The following CDH13 variants were observed in gnomAD, a reference collection of about 807,000 sequenced individuals.
CDH13 encodes the protein cadherin-13.
A neutral mutation model predicts 63.8 loss-of-function variants in CDH13; 24 were observed. That is an observed-to-expected ratio of 0.38 (90% CI 0.27 to 0.53). The LOEUF (loss-of-function observed/expected upper bound fraction) is 0.53, where lower values mean the gene tolerates loss of function less well. Among genes scored for constraint, CDH13 ranks in the 20% least tolerant of loss-of-function variants. The probability of loss-of-function intolerance (pLI) is 0.85; values close to 1 mark genes in which losing one functional copy is unlikely to be tolerated. For synonymous variants in CDH13, 503 were observed against 355.3 expected (o/e 1.42, Z -4.67); for missense variants, 1,049 against 903.1 (o/e 1.16, Z -2.07).
chr16:83,014,974 T>G (rs1914614345), intron 2 of CDH13, among the ~76,000 whole-genome samples: 1 of 149,860 alleles, frequency 6.7e-6, no homozygotes, highest in Non-Finnish European at 1.5e-5. Flanking sequence ...AGGGAACTGC[T>G]TTAATGAGAG....
chr16:83,630,200 T>A (rs1410905199), intron 8 of CDH13, among the ~76,000 whole-genome samples: 1 of 152,196 alleles, frequency 6.6e-6, no homozygotes, highest in African/African-American at 2.4e-5. Flanking sequence ...ATCTGGGTTA[T>A]TTTTCAGTAT....
chr16:82,730,045 C>A (rs1323435754), intron 1 of CDH13, among the ~76,000 whole-genome samples: 2 of 152,158 alleles, frequency 1.3e-5, no homozygotes, highest in Non-Finnish European at 2.9e-5. Context: ...TAGGTGTTGG[C>A]TTAAGGGAAT....
intron 4 of CDH13, among the ~76,000 whole-genome samples, chr16:83,132,959 C>A (rs1446150549): frequency 1.3e-5 from 2 of 152,172 alleles, no homozygotes; most frequent in Non-Finnish European, 1.5e-5. Flanking sequence ...GGGATACACC[C>A]TCTGTATCCT....
intron 7 of CDH13, among the ~76,000 whole-genome samples, chr16:83,504,604 G>T (rs1014807919): frequency 5.9e-5 from 9 of 152,160 alleles, no homozygotes; most frequent in Admixed American, 1.3e-4. Flanking sequence ...CCCACTCCGG[G>T]TGCTGTGCCC....
rs548899618 is a variant in CDH13 at position 83,020,569 on chromosome 16, A to C, written c.158-11441A>C. Among the ~76,000 whole-genome samples, 7 of 152,366 alleles carry C rather than the reference A, an allele frequency of 4.6e-5. No homozygotes were observed. The South Asian group carries it at 1.2e-3, about 27-fold the overall frequency. ...ATAACAGTTTGCTATTAGGAAACAA[A>C]ATAACAGTGCTTGAAAATACCTAAG... On this transcript the variant is annotated intron_variant, in intron 2 of 13. Coordinates refer to ENST00000567109, the MANE Select transcript of CDH13 (RefSeq NM_001257.5).
At chr16:83,505,613 G>A (rs1265968793) in intron 7 of CDH13, among the ~76,000 whole-genome samples, 2 of 146,212 alleles carry the variant, frequency 1.4e-5, no homozygotes, top group Non-Finnish European at 3.0e-5. Context: ...GTGGAATCTC[G>A]GCTCGCCACA....
At chr16:83,677,883 G>A (rs955103335) in intron 9 of CDH13, among the ~76,000 whole-genome samples, 2 of 152,082 alleles carry the variant, frequency 1.3e-5, no homozygotes, top group African/African-American at 4.8e-5. Context: ...GGCTCACTAA[G>A]GTTCAAGTCA....
chr16:82,866,548 C>G (rs565641610), intron 2 of CDH13, among the ~76,000 whole-genome samples: 11 of 151,954 alleles, frequency 7.2e-5, no homozygotes, highest in Admixed American at 1.3e-4. Context: ...GCCACCATGC[C>G]TGGCTAATTT....
chr16:83,444,875 T>C (rs2072625063), intron 6 of CDH13, among the ~76,000 whole-genome samples: 1 of 48,728 alleles, frequency 2.1e-5, no homozygotes, highest in African/African-American at 5.9e-5. Flanking sequence ...AGCGCTTTCC[T>C]CTGATGAAGG....
intron 1 of CDH13, among the ~76,000 whole-genome samples, chr16:82,725,668 G>A (rs770403116): frequency 6.6e-6 from 1 of 152,094 alleles, no homozygotes; most frequent in Admixed American, 6.6e-5. Flanking sequence ...TCTATACATT[G>A]TACCTTTATT....
At chr16:82,795,866 C>G (rs57626646) in intron 1 of CDH13, among the ~76,000 whole-genome samples, 2,338 of 152,088 alleles carry the variant, frequency 0.015, 35 homozygotes, top group Middle Eastern at 0.034. Flanking sequence ...ATCTCCATCT[C>G]TCATAGGCAT....
chr16:83,121,971 C>CACAT (rs935887330), intron 3 of CDH13, among the ~76,000 whole-genome samples: 3 of 150,288 alleles, frequency 2.0e-5, no homozygotes, highest in Non-Finnish European at 4.4e-5. Flanking sequence ...GTCACACACA[C>CACAT]ACACACACAC....
intron 2 of CDH13, among the ~76,000 whole-genome samples, chr16:82,977,874 A>G (rs1008626530): frequency 1.3e-4 from 20 of 152,222 alleles, no homozygotes; most frequent in African/African-American, 4.3e-4. Context: ...AAGGCTCAGA[A>G]GACAGGAAGA....
chr16:83,294,644 T>A (rs955819393), intron 5 of CDH13, among the ~76,000 whole-genome samples: 2 of 151,964 alleles, frequency 1.3e-5, no homozygotes, highest in African/African-American at 4.8e-5. Flanking sequence ...TATTCATGTA[T>A]TGATGGACAT....
chr16:83,301,491 C>T (rs965775461), intron 5 of CDH13, among the ~76,000 whole-genome samples: 5 of 152,162 alleles, frequency 3.3e-5, no homozygotes, highest in Admixed American at 1.3e-4. Flanking sequence ...GTGATGCTGC[C>T]ACATGTGTCA....
chr16:83,696,877 A>T (rs1304707571), intron 10 of CDH13, among the ~76,000 whole-genome samples: 1 of 152,150 alleles, frequency 6.6e-6, no homozygotes, highest in African/African-American at 2.4e-5. Flanking sequence ...CCCCTGATGA[A>T]GCCCTTCAGT....
intron 5 of CDH13, among the ~76,000 whole-genome samples, chr16:83,253,023 G>T (rs1449189862): frequency 6.6e-6 from 1 of 152,056 alleles, no homozygotes; most frequent in East Asian, 1.9e-4. Context: ...TTGAGGTATT[G>T]CGTGCCAAAC....
At chr16:83,371,871 C>A (rs927893041) in intron 6 of CDH13, among the ~76,000 whole-genome samples, 5 of 151,906 alleles carry the variant, frequency 3.3e-5, no homozygotes, top group Non-Finnish European at 5.9e-5. Context: ...AAGATTAGAG[C>A]AATGTATTTA....
intron 2 of CDH13, among the ~76,000 whole-genome samples, chr16:82,895,928 C>T (rs535487899): frequency 6.6e-6 from 1 of 152,258 alleles, no homozygotes; most frequent in African/African-American, 2.4e-5. Context: ...ACACACTGAG[C>T]TTGTGGCTGC....
Sources: gnomAD v4.1 joint callset for allele counts (sites outside exome capture counted in the v4.1 genomes callset) on GRCh38, gnomAD v4.1.1 for gene constraint, MANE v1.5 for transcripts, NCBI Gene and HGNC (gene_info 2026-07-23, HGNC 2026-07-21) for gene names.